The following SORCS1 variants were observed in gnomAD, a reference collection of about 807,000 sequenced individuals.
SORCS1 encodes the protein sortilin related VPS10 domain containing receptor 1, also known as VPS10 domain-containing receptor SorCS1.
SORCS1 carries 60 observed loss-of-function variants against 146.1 expected under a neutral mutation model. The ratio of observed to expected loss-of-function variants is 0.41; its 90% CI spans 0.33 to 0.51. The LOEUF (loss-of-function observed/expected upper bound fraction) is 0.51. SORCS1 is among the 20% of genes least tolerant of loss of function. SORCS1 has a pLI of 0.21. For missense variants in SORCS1, 1,352 were observed against 1,487.6 expected (o/e 0.91, Z 1.50); for synonymous variants, 637 against 584.0 (o/e 1.09, Z -1.31).
At chr10:106,954,827 C>T (rs79581857) in intron 2 of SORCS1, among the ~76,000 whole-genome samples, 3,595 of 152,286 alleles carry the variant, frequency 0.024, 109 homozygotes, top group South Asian at 0.11. Context: ...TGGGACTACC[C>T]GCCTTCTGGT....
chr10:106,941,892 A>G (rs1363131235), intron 2 of SORCS1, among the ~76,000 whole-genome samples: 2 of 152,194 alleles, frequency 1.3e-5, no homozygotes, highest in African/African-American at 4.8e-5. Context: ...AGTTCTGGGA[A>G]TAGACAGTTG....
In SORCS1 at chr10:107,040,188, C is replaced by T. The variant is rs536423322; in HGVS notation, c.559-83608G>A. ...CCATGCTACACAATAGGCAATGACTCCATAGAGTAACACCCTACTCTATGA... is the reference window on the plus strand; with the variant it reads ...CCATGCTACACAATAGGCAATGACTTCATAGAGTAACACCCTACTCTATGA... On this transcript the variant is annotated intron_variant, in intron 1 of 25. Transcript: ENST00000263054. Among the ~76,000 whole-genome samples the T allele has an allele frequency of 5.9e-5, 9 of 152,272 alleles. No homozygotes were observed. In the South Asian group the frequency reaches 1.9e-3, roughly 32 times the overall value.
At chr10:106,827,142 C>T (rs2136984015) in intron 3 of SORCS1, among the ~76,000 whole-genome samples, 1 of 151,308 alleles carries the variant, frequency 6.6e-6, no homozygotes, top group South Asian at 2.1e-4. Flanking sequence ...CCTGGAGTTT[C>T]TGGATCATCA....
chr10:106,944,566 C>T (rs1432686350), intron 2 of SORCS1, among the ~76,000 whole-genome samples: 2 of 152,178 alleles, frequency 1.3e-5, no homozygotes, highest in Non-Finnish European at 2.9e-5. Context: ...CAACAGGCTG[C>T]AAATTACTTA....
chr10:106,864,572 C>T (rs1564749527), intron 2 of SORCS1, among the ~76,000 whole-genome samples: 1 of 152,200 alleles, frequency 6.6e-6, no homozygotes, highest in Non-Finnish European at 1.5e-5. Flanking sequence ...GTTAGACCCT[C>T]ATATACACCC....
At chr10:106,953,129 T>C (rs1449711311) in intron 2 of SORCS1, among the ~76,000 whole-genome samples, 1 of 143,876 alleles carries the variant, frequency 7.0e-6, no homozygotes, top group East Asian at 2.1e-4. Context: ...ATATATTATG[T>C]ATCTGTGGGT....
At chr10:106,671,493 T>A (rs528203058) in intron 15 of SORCS1, 126 bp from the exon 16 acceptor site, 109 of 1,343,618 alleles carry the variant, frequency 8.1e-5, no homozygotes, top group Non-Finnish European at 1.1e-4. Context: ...GCCCTCTTTG[T>A]GCTAACAACA....
rs1160754560 is a variant in SORCS1, at chr10:106,677,302, T to C, written c.1832+11A>G. 1.2e-6 allele frequency: 2 copies of C among 1,613,176 alleles called. No individual in the cohort carries two copies. The highest frequency in any genetic ancestry group is 1.7e-5 in the Admixed American group (1 of 60,012). The stretch of plus-strand genomic sequence containing the variant: ...TCAGGTGCAGATTTCACAGGCAGCA[T>C]GTGCCCTTACCAAAGATGTCGAATT... On this transcript the variant is annotated intron_variant, in intron 13 of 25. Transcript: ENST00000263054.
At chr10:107,016,047 C>T (rs938966337) in intron 1 of SORCS1, among the ~76,000 whole-genome samples, 5 of 151,932 alleles carry the variant, frequency 3.3e-5, no homozygotes, top group Admixed American at 6.6e-5. Context: ...GACAATTGGC[C>T]GAGCAGGTTT....
chr10:106,942,617 C>A (rs1335334877), intron 2 of SORCS1, among the ~76,000 whole-genome samples: 1 of 152,146 alleles, frequency 6.6e-6, no homozygotes. Context: ...TGGCAGGACA[C>A]CCCTTAACCC....
At chr10:107,129,614 A>G (rs1326823056) in intron 1 of SORCS1, among the ~76,000 whole-genome samples, 2 of 152,178 alleles carry the variant, frequency 1.3e-5, no homozygotes, top group Admixed American at 6.5e-5. Flanking sequence ...CACTCTTCCC[A>G]ATTTGTCATT....
intron 2 of SORCS1, among the ~76,000 whole-genome samples, chr10:106,931,502 G>A (rs530110735): frequency 6.6e-6 from 1 of 152,286 alleles, no homozygotes; most frequent in East Asian, 1.9e-4. Context: ...CACCATGCTG[G>A]CCTTCAGTGT....
chr10:107,114,458 T>G (rs1285386515), intron 1 of SORCS1, among the ~76,000 whole-genome samples: 1 of 152,156 alleles, frequency 6.6e-6, no homozygotes, highest in Non-Finnish European at 1.5e-5. Context: ...ATTCAACATA[T>G]GCAAATCAAT....
intron 1 of SORCS1, among the ~76,000 whole-genome samples, chr10:107,001,526 G>T (rs1224299286): frequency 3.9e-5 from 6 of 152,136 alleles, no homozygotes; most frequent in Admixed American, 3.9e-4. Context: ...GTAAGAGATA[G>T]AAATAAACGA....
chr10:106,899,342 G>A (rs978953027), intron 2 of SORCS1, among the ~76,000 whole-genome samples: 2 of 152,178 alleles, frequency 1.3e-5, no homozygotes, highest in African/African-American at 4.8e-5. Flanking sequence ...AATAGGAGAA[G>A]AGTAAGGGAA....
At chr10:106,579,193 T>G in intron 25 of SORCS1, 176 bp downstream of exon 25, 1 of 1,614,104 alleles carries the variant, frequency 6.2e-7, no homozygotes, top group Non-Finnish European at 8.5e-7. Context: ...ACTGGACTGA[T>G]CATCTCTTGT....
At chr10:106,682,177 A>G (rs1852485326) in intron 10 of SORCS1, among the ~76,000 whole-genome samples, 1 of 152,082 alleles carries the variant, frequency 6.6e-6, no homozygotes, top group Non-Finnish European at 1.5e-5. Context: ...AACAAACAAA[A>G]CAAAAAACAA....
intron 1 of SORCS1, among the ~76,000 whole-genome samples, chr10:107,016,896 T>C (rs1168193927): frequency 6.6e-6 from 1 of 152,224 alleles, no homozygotes; most frequent in Non-Finnish European, 1.5e-5. Flanking sequence ...AAACAGCTAA[T>C]AATCATTTTT....
At chr10:106,831,806 G>T (rs1300624617) in intron 2 of SORCS1, among the ~76,000 whole-genome samples, 3 of 152,132 alleles carry the variant, frequency 2.0e-5, no homozygotes, top group African/African-American at 4.8e-5. Flanking sequence ...AATCGCTGAG[G>T]AACAAAGTAC....
Sources: allele counts gnomAD v4.1 joint callset (sites outside exome capture counted in the v4.1 genomes callset), GRCh38; gene constraint gnomAD v4.1.1; transcripts MANE v1.5; gene names NCBI Gene and HGNC (gene_info 2026-07-23, HGNC 2026-07-21).